Variants in GFOD2 observed in about 807,000 individuals in gnomAD.
GFOD2 encodes glucose-fructose oxidoreductase domain-containing protein 2.
In GFOD2, 9 loss-of-function variants were observed where a neutral mutation model predicts 24.6. The ratio of observed to expected loss-of-function variants is 0.37; its 90% confidence interval spans 0.22 to 0.64. GFOD2 has a LOEUF of 0.64. Among genes scored for constraint, GFOD2 ranks in the 30% least tolerant of loss-of-function variants. The probability of loss-of-function intolerance (pLI) is 0.65; values close to 1 mark genes in which losing one functional copy is unlikely to be tolerated. For missense variants in GFOD2, 476 were observed against 532.5 expected (o/e 0.89, Z 1.04); for synonymous variants, 211 against 224.8 (o/e 0.94, Z 0.55).
chr16:67,682,832 T>G (rs1055627166), intron 2 of GFOD2: 1 of 985,282 alleles, frequency 1.0e-6, no homozygotes, highest in African/African-American at 1.7e-5. Context: ...GGGCCTCAGT[T>G]TAATTCAAAA....
At position 67,675,185 on chromosome 16, in the gene GFOD2, C is replaced by G; in HGVS notation, c.1128G>C (p.Leu376=). 1.2e-6 allele frequency: 2 copies of G among 1,613,762 alleles called. No individual in the cohort carries two copies. Among genetic ancestry groups the G allele is most frequent in the Non-Finnish European group, 1.7e-6 (2 of 1,179,842 alleles). ...LTEEPDTNQN[L]CEALQRNNL ...GGTTGTTCCGCTGAAGTGCCTCACACAGGTTCTGGTTGGTGTCGGGCTCCT... is the reference window on the plus strand; with the variant it reads ...GGTTGTTCCGCTGAAGTGCCTCACAGAGGTTCTGGTTGGTGTCGGGCTCCT... The change falls in exon 3 of 3, where the codon CTG becomes CTC. Residue 376 remains leucine, a synonymous_variant. Transcript: ENST00000268797.
intron 2 of GFOD2, among the ~76,000 whole-genome samples, chr16:67,679,976 G>A (rs2053213257): frequency 6.6e-6 from 1 of 151,530 alleles, no homozygotes; most frequent in African/African-American, 2.4e-5. Context: ...CTGGTTCACT[G>A]CAGTCTTGGT....
chr16:67,683,798 G>A, intron 2 of GFOD2: 1 of 1,225,614 alleles, frequency 8.2e-7, no homozygotes, highest in East Asian at 3.2e-5. Flanking sequence ...GAAGAGTGGA[G>A]GACAACCTCA....
chr16:67,703,121 T>C (rs1292731634), intron 1 of GFOD2, among the ~76,000 whole-genome samples: 2 of 152,158 alleles, frequency 1.3e-5, no homozygotes, highest in African/African-American at 4.8e-5. Context: ...CTGTATTTCC[T>C]GGCCAGCCAC....
chr16:67,675,652 C>T lies in GFOD2; in HGVS notation c.661G>A (p.Asp221Asn), dbSNP rs750424149. 1.9e-6 allele frequency: 3 copies of T among 1,613,392 alleles called. No homozygotes were observed. Among genetic ancestry groups the T allele is most frequent in the Non-Finnish European group, 2.5e-6 (3 of 1,180,048 alleles). Residue 221 changes from aspartate to asparagine, a missense_variant, in exon 3 of 3, where the codon GAC becomes AAC. Asp to Asn is a conservative substitution (Grantham distance 23). Coordinates refer to ENST00000268797, the MANE Select transcript of GFOD2 (RefSeq NM_030819.4). ...ATGAGCATCTGGAAGAAACAGAAGT[C>T]ATCGCTAGTGACGTGCCGGATGCCA... ...IRGIRHVTSD[D>N]FCFFQMLMGG...
At chr16:67,699,780 A>G (rs2053388019) in intron 1 of GFOD2, among the ~76,000 whole-genome samples, 1 of 151,392 alleles carries the variant, frequency 6.6e-6, no homozygotes, top group South Asian at 2.1e-4. Flanking sequence ...CACCGCGCCC[A>G]GCCTGGATAG....
At chr16:67,705,969 T>C (rs931033684) in intron 1 of GFOD2, among the ~76,000 whole-genome samples, 4 of 149,040 alleles carry the variant, frequency 2.7e-5, no homozygotes, top group Admixed American at 2.7e-4. Flanking sequence ...GTTATGGTTT[T>C]CCCTGTGATT....
chr16:67,692,309 C>T (rs541775046), intron 1 of GFOD2, among the ~76,000 whole-genome samples: 14 of 141,108 alleles, frequency 9.9e-5, no homozygotes, highest in African/African-American at 3.3e-4. Flanking sequence ...AGGCTGAGTG[C>T]GGTGGCTCAC....
chr16:67,697,701 C>T (rs187251580), intron 1 of GFOD2, among the ~76,000 whole-genome samples: 1 of 152,300 alleles, frequency 6.6e-6, no homozygotes, highest in African/African-American at 2.4e-5. Flanking sequence ...CTTCTTCCAT[C>T]CTTCCTCATG....
At chr16:67,713,344 CCAAG>C (rs1227920435) in intron 1 of GFOD2, among the ~76,000 whole-genome samples, 1 of 152,166 alleles carries the variant, frequency 6.6e-6, no homozygotes, top group Non-Finnish European at 1.5e-5. Flanking sequence ...TCCCCACACA[CCAAG>C]CAAGCAAGCA....
intron 1 of GFOD2, among the ~76,000 whole-genome samples, chr16:67,692,626 A>C (rs949196482): frequency 1.3e-5 from 2 of 151,864 alleles, no homozygotes; most frequent in East Asian, 1.9e-4. Flanking sequence ...CACAGAAACA[A>C]AAATGCTTCA....
At chr16:67,685,996 T>C (rs557768576) in intron 1 of GFOD2, among the ~76,000 whole-genome samples, 194 bp from the exon 2 acceptor site, 2 of 152,124 alleles carry the variant, frequency 1.3e-5, no homozygotes, top group East Asian at 1.9e-4. Flanking sequence ...AGGCCAGGCA[T>C]GGTGGCTCAT....
intron 1 of GFOD2, among the ~76,000 whole-genome samples, chr16:67,701,825 G>C (rs2053404296): frequency 6.6e-6 from 1 of 150,904 alleles, no homozygotes; most frequent in South Asian, 2.1e-4. Flanking sequence ...TTAAGCCTAA[G>C]TGACTGAGAA....
intron 2 of GFOD2, chr16:67,682,827 TCA>T (rs1341494286): frequency 1.0e-6 from 1 of 985,296 alleles, no homozygotes; most frequent in Non-Finnish European, 1.2e-6. Flanking sequence ...CTCCTGGGCC[TCA>T]GTTTAATTCA....
chr16:67,680,787 A>G, intron 2 of GFOD2: 1 of 958,026 alleles, frequency 1.0e-6, no homozygotes, highest in Non-Finnish European at 1.2e-6. Context: ...ATTATACTTT[A>G]AGTTCTAGGG....
chr16:67,698,774 C>T (rs976921857), intron 1 of GFOD2, among the ~76,000 whole-genome samples: 4 of 152,134 alleles, frequency 2.6e-5, no homozygotes, highest in African/African-American at 4.8e-5. Flanking sequence ...CCACTGTGCC[C>T]GGCCTGCATT....
At chr16:67,690,398 A>ATTTTTT (rs1299554106) in intron 1 of GFOD2, among the ~76,000 whole-genome samples, 1 of 137,134 alleles carries the variant, frequency 7.3e-6, no homozygotes, top group Non-Finnish European at 1.6e-5. Context: ...ATTATTCACT[A>ATTTTTT]TTTTTTTTTT....
chr16:67,717,674 C>T (rs1030096594), intron 1 of GFOD2, among the ~76,000 whole-genome samples: 1 of 152,072 alleles, frequency 6.6e-6, no homozygotes, highest in African/African-American at 2.4e-5. Context: ...GCCTGTAGTC[C>T]CAGCTACTCA....
At chr16:67,717,379 A>G (rs1323433739) in intron 1 of GFOD2, among the ~76,000 whole-genome samples, 3 of 152,236 alleles carry the variant, frequency 2.0e-5, no homozygotes, top group African/African-American at 4.8e-5. Flanking sequence ...TAAAAATCAC[A>G]TAGTTCTAAT....
Sources: allele counts gnomAD v4.1 joint callset (sites outside exome capture counted in the v4.1 genomes callset), GRCh38; gene constraint gnomAD v4.1.1; transcripts MANE v1.5; gene names NCBI Gene and HGNC (gene_info 2026-07-23, HGNC 2026-07-21).